Variants in AGBL4 observed in about 807,000 individuals in gnomAD.
The protein encoded by AGBL4 is AGBL carboxypeptidase 4, also known as cytosolic carboxypeptidase 6.
Under a neutral mutation model 66.4 loss-of-function variants are expected in AGBL4, and 58 were observed. The observed-to-expected ratio is 0.87, with a 90% CI of 0.71 to 1.09. AGBL4 has a LOEUF of 1.09. Ranked by LOEUF, AGBL4 falls within the 50% of genes least tolerant of loss-of-function variation. The pLI is 0.00. For missense variants in AGBL4, 579 were observed against 631.0 expected (o/e 0.92, Z 0.88); for synonymous variants, 234 against 222.9 (o/e 1.05, Z -0.44).
At chr1:49,954,372 T>A (rs377081647) in intron 1 of AGBL4, among the ~76,000 whole-genome samples, 3 of 151,970 alleles carry the variant, frequency 2.0e-5, no homozygotes, top group African/African-American at 7.2e-5. Context: ...TCTGCCCTCA[T>A]GAAGGAATTA....
intron 5 of AGBL4, among the ~76,000 whole-genome samples, chr1:49,044,620 A>G (rs1644030845): frequency 1.3e-5 from 2 of 152,314 alleles, no homozygotes; most frequent in South Asian, 4.1e-4. Flanking sequence ...ACGGGACTTC[A>G]CAGATATGAT....
chr1:49,066,284 T>G (rs1644490807), intron 4 of AGBL4, among the ~76,000 whole-genome samples: 1 of 152,218 alleles, frequency 6.6e-6, no homozygotes. Flanking sequence ...CTGGGCACGG[T>G]GGCTCATGCC....
chr1:48,565,006 C>A (rs1433388847), intron 11 of AGBL4, among the ~76,000 whole-genome samples: 2 of 152,214 alleles, frequency 1.3e-5, no homozygotes, highest in Non-Finnish European at 2.9e-5. Flanking sequence ...TGTCTCCTCC[C>A]CTTTGGACCT....
chr1:48,817,244 T>C (rs1401434972), intron 6 of AGBL4, among the ~76,000 whole-genome samples: 1 of 152,208 alleles, frequency 6.6e-6, no homozygotes, highest in Non-Finnish European at 1.5e-5. Flanking sequence ...AGTGGTATTC[T>C]GTTAAGTTTA....
intron 6 of AGBL4, among the ~76,000 whole-genome samples, chr1:48,800,519 T>C (rs1207709223): frequency 6.6e-6 from 1 of 152,216 alleles, no homozygotes; most frequent in African/African-American, 2.4e-5. Flanking sequence ...TGTTATTTCT[T>C]TTCTTCTGCT....
intron 1 of AGBL4, among the ~76,000 whole-genome samples, chr1:49,981,078 A>G (rs1262035935): frequency 1.4e-4 from 22 of 152,216 alleles, no homozygotes; most frequent in Admixed American, 1.4e-3. Context: ...ATGAAGAAAC[A>G]AAGTTGAATG....
chr1:49,834,456 A>T (rs1182282861), intron 2 of AGBL4, among the ~76,000 whole-genome samples: 2 of 152,062 alleles, frequency 1.3e-5, no homozygotes, highest in African/African-American at 4.8e-5. Flanking sequence ...TATTGTGTCT[A>T]TTTGATTCGT....
chr1:49,363,255 T>C (rs1180507372), intron 3 of AGBL4, among the ~76,000 whole-genome samples: 2 of 152,216 alleles, frequency 1.3e-5, no homozygotes, highest in African/African-American at 4.8e-5. Context: ...GAGGTATATA[T>C]TACTGTCTGT....
rs76223752 is a variant in AGBL4 at position 49,246,880 on chromosome 1, A to G, written c.283-1016T>C. Among the ~76,000 whole-genome samples, 160 of 152,134 alleles carry G rather than the reference A, an allele frequency of 1.1e-3. 2 individuals carry two copies. In the East Asian group the frequency reaches 0.02, roughly 19 times the overall value. ...GAAAAAAACAAAACCATCAAAATTC[A>G]TGTATTATTTTATTCAACAAGTATT... is the stretch of plus-strand genomic sequence containing the variant. On this transcript the variant is annotated intron_variant, in intron 3 of 13. Coordinates refer to ENST00000371839, the MANE Select transcript of AGBL4 (RefSeq NM_032785.4).
rs1033858224 is a variant in AGBL4, at chr1:49,835,385, G to T, written c.157+16011C>A. Among the ~76,000 whole-genome samples, 11 of 152,216 alleles carry T rather than the reference G, an allele frequency of 7.2e-5. No individual in the cohort carries two copies. The East Asian group carries it at 2.1e-3, about 29-fold the overall frequency. On this transcript the variant is annotated intron_variant, in intron 2 of 13. Transcript: ENST00000371839. ...TAAAGTCTGTTTTATCTGAGACTGGGATTGCAACCCCTGCTTTTTTTTCCT... is the reference window on the plus strand; with the variant it reads ...TAAAGTCTGTTTTATCTGAGACTGGTATTGCAACCCCTGCTTTTTTTTCCT...
chr1:49,889,326 C>T lies in AGBL4; in HGVS notation c.35-37808G>A, dbSNP rs573849178. 1.1e-3 allele frequency among the ~76,000 whole-genome samples: 163 copies of T among 152,240 alleles called. No individual in the cohort carries two copies. In the South Asian group the frequency reaches 0.011, roughly 10 times the overall value. On this transcript the variant is annotated intron_variant, in intron 1 of 13. Coordinates refer to ENST00000371839, the MANE Select transcript of AGBL4 (RefSeq NM_032785.4). Reference sequence around the variant, plus strand: ...CTCACTTCAGCCAGGAGTGACAGAGCAAGACCCTGTCTTAAATAAATAAAT... The same window carrying T: ...CTCACTTCAGCCAGGAGTGACAGAGTAAGACCCTGTCTTAAATAAATAAAT...
chr1:48,828,399 C>T (rs1048077710), intron 6 of AGBL4, among the ~76,000 whole-genome samples: 1 of 152,104 alleles, frequency 6.6e-6, no homozygotes, highest in African/African-American at 2.4e-5. Flanking sequence ...GTAACCATGG[C>T]TCCTAGGATC....
chr1:49,153,359 T>C (rs1301455469), intron 4 of AGBL4, among the ~76,000 whole-genome samples: 2 of 151,908 alleles, frequency 1.3e-5, no homozygotes, highest in East Asian at 1.9e-4. Context: ...ACATGAAAAA[T>C]TGATCATGAC....
intron 4 of AGBL4, among the ~76,000 whole-genome samples, chr1:49,120,979 TC>T (rs1645641254): frequency 6.6e-6 from 1 of 152,214 alleles, no homozygotes. Context: ...TGATACCCTT[TC>T]TTCCACTTGA....
intron 2 of AGBL4, among the ~76,000 whole-genome samples, chr1:49,709,746 G>C (rs1647492767): frequency 6.6e-6 from 1 of 151,794 alleles, no homozygotes; most frequent in East Asian, 1.9e-4. Flanking sequence ...AAATTTACAA[G>C]AAAAAAACAA....
intron 3 of AGBL4, among the ~76,000 whole-genome samples, chr1:49,426,187 A>C (rs1645654584): frequency 6.6e-6 from 1 of 152,240 alleles, no homozygotes; most frequent in Admixed American, 6.5e-5. Flanking sequence ...TCTTCAAAAT[A>C]ATACAGCGGG....
intron 4 of AGBL4, among the ~76,000 whole-genome samples, chr1:49,075,771 A>C (rs1644697580): frequency 6.6e-6 from 1 of 152,224 alleles, no homozygotes; most frequent in Non-Finnish European, 1.5e-5. Context: ...TATTTACAAT[A>C]AAATAGAAAA....
intron 4 of AGBL4, among the ~76,000 whole-genome samples, chr1:49,055,046 A>G (rs1644285506): frequency 6.6e-6 from 1 of 152,032 alleles, no homozygotes; most frequent in South Asian, 2.1e-4. Flanking sequence ...AATTGCACAA[A>G]TTAAATGGTG....
chr1:48,971,666 G>A (rs752507551), intron 5 of AGBL4, among the ~76,000 whole-genome samples: 64 of 152,286 alleles, frequency 4.2e-4, no homozygotes, highest in Non-Finnish European at 6.9e-4. Context: ...GAGGGGCAGA[G>A]AGTGAATAGA....
Sources: allele counts gnomAD v4.1 joint callset (sites outside exome capture counted in the v4.1 genomes callset), GRCh38; gene constraint gnomAD v4.1.1; transcripts MANE v1.5; gene names NCBI Gene and HGNC (gene_info 2026-07-23, HGNC 2026-07-21).